BRINP3: variants seen among roughly 807,000 people sequenced by gnomAD.
BRINP3 encodes BMP/retinoic acid inducible neural specific 3.
Under a neutral mutation model 71.0 loss-of-function variants are expected in BRINP3, and 19 were observed. The ratio of observed to expected loss-of-function variants is 0.27; its 90% CI spans 0.19 to 0.39. The LOEUF (loss-of-function observed/expected upper bound fraction) is 0.39. Ranked by LOEUF, BRINP3 falls within the 10% of genes least tolerant of loss-of-function variation. The pLI, the probability that BRINP3 is intolerant of heterozygous loss-of-function variation, is 1.00. For missense variants in BRINP3, 959 were observed against 940.8 expected (o/e 1.02, Z -0.25); for synonymous variants, 380 against 337.7 (o/e 1.13, Z -1.37).
intron 7 of BRINP3, among the ~76,000 whole-genome samples, chr1:190,122,069 A>C (rs1046435509): frequency 1.3e-5 from 2 of 152,158 alleles, no homozygotes; most frequent in African/African-American, 2.4e-5. Flanking sequence ...ACATGATTCC[A>C]ACTGCCTGTG....
At chr1:190,448,095 A>C (rs562482171) in intron 2 of BRINP3, among the ~76,000 whole-genome samples, 59 of 151,892 alleles carry the variant, frequency 3.9e-4, no homozygotes, top group African/African-American at 1.4e-3. Context: ...ATTTGAAGGA[A>C]TATGAAAGAA....
chr1:190,359,581 C>A (rs986332874), intron 2 of BRINP3, among the ~76,000 whole-genome samples: 1 of 152,014 alleles, frequency 6.6e-6, no homozygotes, highest in African/African-American at 2.4e-5. Context: ...GGCAACATGG[C>A]AAGACCTGTC....
chr1:190,104,807 C>T (rs1044568234), intron 7 of BRINP3, among the ~76,000 whole-genome samples: 7 of 152,022 alleles, frequency 4.6e-5, no homozygotes, highest in Admixed American at 2.0e-4. Flanking sequence ...GTTAAATCTG[C>T]TCTGAGCAGT....
Position 190,111,206 on chromosome 1 carries a change from A to AAAAAC in BRINP3, c.1185-12073_1185-12072insGTTTT, listed in dbSNP as rs1311949838. ...TTAAAAAAAAAAAAAAAAAAAAAAA[A>AAAAAC]AACTTTAGAACTTTAATTGGAACAG... is the stretch of plus-strand genomic sequence containing the variant. On this transcript the variant is annotated intron_variant, in intron 7 of 7. Coordinates refer to ENST00000367462, the MANE Select transcript of BRINP3 (RefSeq NM_199051.3). 6.4e-3 allele frequency among the ~76,000 whole-genome samples: 903 copies of AAAAAC among 142,134 alleles called. 67 individuals are homozygous for AAAAAC. Among genetic ancestry groups the AAAAAC allele is most frequent in the African/African-American group, 0.026 (865 of 32,822 alleles). 93.2% of individuals were successfully genotyped at this position (142,134 alleles called of 152,430 possible).
intron 7 of BRINP3, among the ~76,000 whole-genome samples, chr1:190,122,533 C>A (rs570249062): frequency 7.5e-6 from 1 of 132,676 alleles, no homozygotes. Context: ...CAGGAATCAC[C>A]GGCATGAAAG....
chr1:190,369,634 AC>A (rs1669730237), intron 2 of BRINP3, among the ~76,000 whole-genome samples: 1 of 139,010 alleles, frequency 7.2e-6, no homozygotes. Context: ...AAAATCAGCC[AC>A]ACTAATTTGC....
chr1:190,394,091 G>A (rs1249260573), intron 2 of BRINP3, among the ~76,000 whole-genome samples: 3 of 151,458 alleles, frequency 2.0e-5, no homozygotes, highest in Non-Finnish European at 3.0e-5. Flanking sequence ...AGTTAGGTAT[G>A]GGAAGTATTG....
At chr1:190,432,304 G>A (rs193025743) in intron 2 of BRINP3, among the ~76,000 whole-genome samples, 4 of 152,178 alleles carry the variant, frequency 2.6e-5, no homozygotes, top group Admixed American at 2.0e-4. Context: ...ATTTCTGGTT[G>A]CCATTTAGAG....
intron 2 of BRINP3, among the ~76,000 whole-genome samples, chr1:190,410,511 T>C (rs951083980): frequency 3.9e-5 from 6 of 152,038 alleles, no homozygotes; most frequent in African/African-American, 1.2e-4. Context: ...ATGTCATCAG[T>C]GTATAGACAC....
At chr1:190,229,855 A>G (rs1180576139) in intron 5 of BRINP3, among the ~76,000 whole-genome samples, 2 of 152,072 alleles carry the variant, frequency 1.3e-5, no homozygotes, top group Non-Finnish European at 2.9e-5. Flanking sequence ...TCAATAAAAT[A>G]TGATGAACAT....
At chr1:190,247,784 TCTC>T (rs1244017308) in intron 4 of BRINP3, among the ~76,000 whole-genome samples, 1 of 151,932 alleles carries the variant, frequency 6.6e-6, no homozygotes, top group Non-Finnish European at 1.5e-5. Flanking sequence ...CTTAACATGA[TCTC>T]CTCCAAGCTA....
At chr1:190,258,132 G>C (rs1660838649) in intron 4 of BRINP3, among the ~76,000 whole-genome samples, 1 of 152,196 alleles carries the variant, frequency 6.6e-6, no homozygotes, top group Non-Finnish European at 1.5e-5. Flanking sequence ...AACTGTGGGG[G>C]GCTCTGCCCA....
At chr1:190,384,185 T>G (rs894778383) in intron 2 of BRINP3, among the ~76,000 whole-genome samples, 2 of 127,480 alleles carry the variant, frequency 1.6e-5, no homozygotes, top group Non-Finnish European at 3.7e-5. Flanking sequence ...TTCCTTTTTC[T>G]TCAGGTTTTA....
intron 2 of BRINP3, among the ~76,000 whole-genome samples, chr1:190,363,447 G>C (rs1366600944): frequency 6.6e-6 from 1 of 152,106 alleles, no homozygotes; most frequent in African/African-American, 2.4e-5. Context: ...TACATTATTA[G>C]AGATCATAAA....
chr1:190,361,556 C>T lies in BRINP3; in HGVS notation c.237-79806G>A, dbSNP rs554287447. 9.9e-5 allele frequency among the ~76,000 whole-genome samples: 15 copies of T among 152,142 alleles called. No homozygotes were observed. The South Asian group carries it at 2.9e-3, about 29-fold the overall frequency. The stretch of plus-strand genomic sequence containing the variant: ...TAGCTGGGACTACAGACACACATCA[C>T]CACGCCCAGCTAATTTTTGTATTTT... On this transcript the variant is annotated intron_variant, in intron 2 of 7. Coordinates refer to ENST00000367462, the MANE Select transcript of BRINP3 (RefSeq NM_199051.3).
chr1:190,278,043 G>T (rs559775254), intron 3 of BRINP3, among the ~76,000 whole-genome samples: 3 of 151,628 alleles, frequency 2.0e-5, no homozygotes, highest in South Asian at 4.1e-4. Flanking sequence ...CCCATTAAAG[G>T]CTTCAAGTAT....
intron 2 of BRINP3, among the ~76,000 whole-genome samples, chr1:190,436,909 A>G (rs947938225): frequency 1.3e-5 from 2 of 151,832 alleles, no homozygotes; most frequent in Non-Finnish European, 3.0e-5. Flanking sequence ...TAAACAAGAT[A>G]CTATATTTAC....
At chr1:190,148,596 A>AAAAT (rs71123073) in intron 7 of BRINP3, among the ~76,000 whole-genome samples, 12,631 of 134,832 alleles carry the variant, frequency 0.094, 681 homozygotes, top group Non-Finnish European at 0.11. Flanking sequence ...ACTCTGTCAC[A>AAAAT]AAATAAATAA....
chr1:190,259,162 C>T lies in BRINP3; in HGVS notation c.618+5703G>A, dbSNP rs79110930. Among the ~76,000 whole-genome samples the T allele has an allele frequency of 1.1e-3, 159 of 151,078 alleles. 1 individual carries two copies. The highest frequency in any genetic ancestry group is 3.8e-3 in the African/African-American group (156 of 41,100). On this transcript the variant is annotated intron_variant, in intron 4 of 7. Transcript: ENST00000367462. ...ATTCCTTTTATGAGGCCAGTATTAC[C>T]GCCTACCAAAACCAGACAGATGTAT...
Sources: gnomAD v4.1 joint callset for allele counts (sites outside exome capture counted in the v4.1 genomes callset) on GRCh38, gnomAD v4.1.1 for gene constraint, MANE v1.5 for transcripts, NCBI Gene and HGNC (gene_info 2026-07-23, HGNC 2026-07-21) for gene names.